The following DDAH1 variants were observed in gnomAD, a reference collection of about 807,000 sequenced individuals.
DDAH1 encodes N(G),N(G)-dimethylarginine dimethylaminohydrolase 1.
Under a neutral mutation model 28.8 loss-of-function variants are expected in DDAH1, and 19 were observed. The ratio of observed to expected loss-of-function variants is 0.66; its 90% CI spans 0.46 to 0.97. DDAH1 has a LOEUF of 0.97. DDAH1 is among the 50% of genes least tolerant of loss of function. The pLI is 0.00. For missense variants in DDAH1, 326 were observed against 375.9 expected, an observed-to-expected ratio of 0.87 and a Z score of 1.10; for synonymous variants, 153 against 154.4, an observed-to-expected ratio of 0.99 and a Z score of 0.07.
At chr1:85,486,563 A>G (rs1656209177) in intron 2 of DDAH1, among the ~76,000 whole-genome samples, 1 of 152,196 alleles carries the variant, frequency 6.6e-6, no homozygotes, top group African/African-American at 2.4e-5. Context: ...CTACATATTT[A>G]TTCAGTCATT....
In DDAH1 at chr1:85,412,072, C is replaced by T. The variant is rs1026412787; in HGVS notation, c.303+52671G>A. ...TGATTTTTAAAATTCCTACATGTAC[C>T]AAATTCCAGACATAGTGCCAATGGC... is the stretch of plus-strand genomic sequence containing the variant. On this transcript the variant is annotated intron_variant, in intron 1 of 5. Transcript: ENST00000284031. Among the ~76,000 whole-genome samples the T allele has an allele frequency of 4.6e-5, 7 of 152,174 alleles. No individual in the cohort carries two copies. In the East Asian group the frequency reaches 9.6e-4, roughly 21 times the overall value.
intron 4 of DDAH1, among the ~76,000 whole-genome samples, chr1:85,325,472 A>G (rs1647330336): frequency 6.6e-6 from 1 of 152,198 alleles, no homozygotes; most frequent in South Asian, 2.1e-4. Context: ...CCTGGGGAGA[A>G]TAAGAAAATC....
intron 1 of DDAH1, among the ~76,000 whole-genome samples, chr1:85,548,431 T>C (rs940425394): frequency 2.6e-5 from 4 of 152,206 alleles, no homozygotes; most frequent in Non-Finnish European, 4.4e-5. Context: ...ATTAGGTCAC[T>C]TTTTAATTAA....
At chr1:85,339,905 T>C (rs919851172) in intron 4 of DDAH1, among the ~76,000 whole-genome samples, 11 of 152,192 alleles carry the variant, frequency 7.2e-5, no homozygotes, top group African/African-American at 2.7e-4. Context: ...GGTGTTGGCA[T>C]GGCTGAGACT....
intron 1 of DDAH1, among the ~76,000 whole-genome samples, chr1:85,442,713 T>C (rs909179980): frequency 3.3e-5 from 5 of 152,234 alleles, no homozygotes; most frequent in African/African-American, 4.8e-5. Flanking sequence ...TTTTTAATGA[T>C]TGCCATTCTA....
intron 1 of DDAH1, among the ~76,000 whole-genome samples, chr1:85,553,534 A>G (rs1390577255): frequency 6.6e-6 from 1 of 152,250 alleles, no homozygotes; most frequent in Non-Finnish European, 1.5e-5. Flanking sequence ...CTGGAGGCCC[A>G]GAGGTTTGTT....
rs893777736 is a variant in DDAH1 at position 85,543,744 on chromosome 1, G to C, written c.-123+34240C>G. 1.9e-4 allele frequency among the ~76,000 whole-genome samples: 29 copies of C among 152,138 alleles called. 1 individual carries two copies. The highest frequency in any genetic ancestry group is 3.4e-4 in the Non-Finnish European group (23 of 68,018). On this transcript the variant is annotated intron_variant, in intron 1 of 6. Transcript: ENST00000426972. ...GTTTTATCCATATACATCTATAAAA[G>C]TGGGGCTGAAAATAAATTCTGATAC... is the stretch of plus-strand genomic sequence containing the variant.
chr1:85,508,444 C>G (rs1280678646), intron 1 of DDAH1, among the ~76,000 whole-genome samples: 2 of 152,210 alleles, frequency 1.3e-5, no homozygotes, highest in Admixed American at 1.3e-4. Context: ...ACTGCAGTAC[C>G]TGGTTCATCT....
chr1:85,474,575 G>A (rs1453728631), intron 2 of DDAH1, among the ~76,000 whole-genome samples: 4 of 152,110 alleles, frequency 2.6e-5, no homozygotes, highest in Non-Finnish European at 4.4e-5. Flanking sequence ...ACTTCCCTGG[G>A]TCCCCAGGTG....
At chr1:85,451,965 G>A (rs1174727825) in intron 1 of DDAH1, among the ~76,000 whole-genome samples, 2 of 152,184 alleles carry the variant, frequency 1.3e-5, no homozygotes, top group East Asian at 3.8e-4. Context: ...ACTTCAAAGT[G>A]TACAGAAATA....
chr1:85,423,947 A>AATG (rs1653269362), intron 1 of DDAH1, among the ~76,000 whole-genome samples: 1 of 152,114 alleles, frequency 6.6e-6, no homozygotes, highest in African/African-American at 2.4e-5. Context: ...GATTCTGTCA[A>AATG]ATGTTTTTTT....
chr1:85,535,983 G>A (rs540840027), intron 1 of DDAH1, among the ~76,000 whole-genome samples: 4 of 152,200 alleles, frequency 2.6e-5, no homozygotes, highest in Non-Finnish European at 4.4e-5. Flanking sequence ...CCACGAGGCC[G>A]GGTGTGGTGG....
intron 2 of DDAH1, among the ~76,000 whole-genome samples, chr1:85,354,008 C>T (rs1161569281): frequency 1.3e-5 from 2 of 152,188 alleles, no homozygotes; most frequent in African/African-American, 2.4e-5. Flanking sequence ...CTTATCTCTT[C>T]AAAGTAGGTT....
intron 1 of DDAH1, among the ~76,000 whole-genome samples, chr1:85,452,371 A>G (rs961049870): frequency 6.6e-6 from 1 of 152,200 alleles, no homozygotes; most frequent in Non-Finnish European, 1.5e-5. Flanking sequence ...AATGACCTAC[A>G]CTAAGAAGTA....
At chr1:85,576,112 G>A (rs1034190263) in intron 1 of DDAH1, among the ~76,000 whole-genome samples, 7 of 150,858 alleles carry the variant, frequency 4.6e-5, no homozygotes, top group Non-Finnish European at 7.4e-5. Context: ...AGAAAATGGT[G>A]TTACCAAGAT....
chr1:85,405,032 G>A (rs1348276287), intron 1 of DDAH1, among the ~76,000 whole-genome samples: 1 of 152,076 alleles, frequency 6.6e-6, no homozygotes, highest in African/African-American at 2.4e-5. Context: ...TTTCTCTCTT[G>A]ACAAGGATAG....
intron 2 of DDAH1, among the ~76,000 whole-genome samples, chr1:85,473,914 C>T (rs1381783268): frequency 6.6e-6 from 1 of 152,334 alleles, no homozygotes; most frequent in African/African-American, 2.4e-5. Flanking sequence ...CTCAAACTTT[C>T]ATTTCTGGTC....
chr1:85,577,769 A>G (rs528900738), intron 1 of DDAH1, among the ~76,000 whole-genome samples: 2 of 152,174 alleles, frequency 1.3e-5, no homozygotes, highest in East Asian at 3.9e-4. Context: ...GTAACCTAAA[A>G]TTCCCTGGCA....
chr1:85,412,527 G>A (rs559291799), intron 1 of DDAH1, among the ~76,000 whole-genome samples: 1 of 152,102 alleles, frequency 6.6e-6, no homozygotes, highest in South Asian at 2.1e-4. Context: ...CTACCAATCG[G>A]TGTAGTATGG....
Sources: gnomAD v4.1 joint callset for allele counts (sites outside exome capture counted in the v4.1 genomes callset) on GRCh38, gnomAD v4.1.1 for gene constraint, MANE v1.5 for transcripts, NCBI Gene and HGNC (gene_info 2026-07-23, HGNC 2026-07-21) for gene names.